ZNF567: variants seen among roughly 807,000 people sequenced by gnomAD.
The protein encoded by ZNF567 is zinc finger protein 567.
Under a neutral mutation model 53.9 loss-of-function variants are expected in ZNF567, and 36 were observed. The ratio of observed to expected loss-of-function variants is 0.67; its 90% CI spans 0.51 to 0.88. The LOEUF is 0.88. ZNF567 is among the 40% of genes least tolerant of loss of function. ZNF567 has a pLI of 0.00. For missense variants in ZNF567, 619 were observed against 764.7 expected (o/e 0.81, Z 2.25); for synonymous variants, 224 against 260.4 (o/e 0.86, Z 1.35).
In ZNF567 at chr19:36,719,305, A is replaced by G. The variant is rs780460311; in HGVS notation, c.581A>G (p.Asn194Ser). 1.2e-6 allele frequency: 2 copies of G among 1,613,888 alleles called. No homozygotes were observed. Among genetic ancestry groups the G allele is most frequent in the Admixed American group, 3.3e-5 (2 of 59,970 alleles). ...HNQSARAFSH[N>S]EVLMQYQKTE... ...CAAAGTGCCAGAGCTTTCAGTCATA[A>G]TGAAGTTCTTATGCAGTATCAGAAA... is the stretch of plus-strand genomic sequence containing the variant. Residue 194 changes from asparagine to serine, a missense_variant, in exon 6 of 6, where the codon AAT becomes AGT. Transcript: ENST00000682579.
downstream of ZNF567, among the ~76,000 whole-genome samples, chr19:36,724,273 T>C (rs1472413231): frequency 6.6e-6 from 1 of 151,902 alleles, no homozygotes; most frequent in Non-Finnish European, 1.5e-5. Context: ...CCCAAAGTGC[T>C]GGGATTACAG....
At chr19:36,679,289 C>A in the ZNF567 span, among the ~76,000 whole-genome samples, 7 of 151,926 alleles carry the variant, frequency 4.6e-5, no homozygotes, top group South Asian at 2.1e-4. Flanking sequence ...CCATCCCCCC[C>A]AAAAAAACCA....
chr19:36,682,613 ATTT>A (rs997139672), upstream of ZNF567, among the ~76,000 whole-genome samples: 1 of 130,712 alleles, frequency 7.7e-6, no homozygotes, highest in Non-Finnish European at 1.6e-5. Flanking sequence ...TATTATTATT[ATTT>A]TTTTTTTTTG....
intron 3 of ZNF567, among the ~76,000 whole-genome samples, chr19:36,708,201 T>C (rs1244388938): frequency 6.6e-6 from 1 of 152,254 alleles, no homozygotes; most frequent in African/African-American, 2.4e-5. Context: ...ATCTTGTTTG[T>C]TAAATCCATC....
intron 4 of ZNF567, 78 bp from the exon 5 acceptor site, chr19:36,712,703 A>T (rs564196016): frequency 1.4e-6 from 2 of 1,432,422 alleles, no homozygotes; most frequent in Non-Finnish European, 2.0e-6. Flanking sequence ...CTTAATTTGC[A>T]GTACTGAACA....
chr19:36,719,793 A>G lies in ZNF567; in HGVS notation c.1069A>G (p.Arg357Gly), dbSNP rs756379282. 6.2e-7 allele frequency: 1 copy of G among 1,614,200 alleles called. No homozygotes were observed. The highest frequency in any genetic ancestry group is 8.5e-7 in the Non-Finnish European group (1 of 1,180,030). Residue 357 changes from arginine to glycine, a missense_variant, in exon 6 of 6, where the codon AGA (arginine) becomes GGA (glycine). Arg to Gly is a moderately radical substitution (Grantham distance 125). Transcript: ENST00000682579. The stretch of plus-strand genomic sequence containing the variant: ...GAAGTCACACCTCATTCGTCATCAG[A>G]GAACTCACACGGGAGAGAAACCATA... ...RLKSHLIRHQ[R>G]THTGEKPYEC...
chr19:36,697,964 T>G (rs2038974895), intron 3 of ZNF567, among the ~76,000 whole-genome samples: 1 of 150,948 alleles, frequency 6.6e-6, no homozygotes, highest in South Asian at 2.1e-4. Context: ...AGGGTACATG[T>G]GCACAATGTG....
chr19:36,711,628 T>C (rs1402232231), intron 3 of ZNF567: 1 of 152,258 alleles, frequency 6.6e-6, no homozygotes, highest in Non-Finnish European at 1.5e-5. Context: ...AATCTCACCA[T>C]GCACATACAA....
At chr19:36,686,477 C>A (rs1360656324), upstream of ZNF567, 2 of 151,980 alleles carry the variant, frequency 1.3e-5, no homozygotes, top group Admixed American at 6.6e-5. Flanking sequence ...TCTTAGTATT[C>A]AAGGGAAAGG....
At chr19:36,674,460 C>G in the ZNF567 span, among the ~76,000 whole-genome samples, 3 of 152,292 alleles carry the variant, frequency 2.0e-5, no homozygotes, top group Middle Eastern at 3.4e-3. Context: ...GTATGCCTTA[C>G]AGATTAGAGT....
intron 1 of ZNF567, among the ~76,000 whole-genome samples, 169 bp from the exon 2 acceptor site, chr19:36,689,228 T>C (rs1332466531): frequency 6.8e-6 from 1 of 147,274 alleles, no homozygotes; most frequent in Non-Finnish European, 1.5e-5. Flanking sequence ...TCAAAATTCC[T>C]ATTTGAGAGT....
chr19:36,717,661 T>C (rs1368001941), intron 5 of ZNF567, among the ~76,000 whole-genome samples: 1 of 152,252 alleles, frequency 6.6e-6, no homozygotes, highest in Non-Finnish European at 1.5e-5. Flanking sequence ...TTTTTGAGCA[T>C]AGCTTTAACA....
At position 36,719,448 on chromosome 19, in the gene ZNF567, A is replaced by G. The variant is rs755505608; in HGVS notation, c.724A>G (p.Lys242Glu). 1.9e-6 allele frequency: 3 copies of G among 1,610,526 alleles called. No individual in the cohort carries two copies. The highest frequency in any genetic ancestry group is 2.5e-6 in the Non-Finnish European group (3 of 1,179,164). Residue 242 changes from lysine to glutamate, a missense_variant, in exon 6 of 6, where the codon AAA (lysine) becomes GAA (glutamate). Lys to Glu is a moderately conservative substitution (Grantham distance 56). Coordinates refer to ENST00000682579, the MANE Select transcript of ZNF567 (RefSeq NM_001322917.1). Reference sequence around the variant, plus strand: ...AGGAGAAAACCCATCTGTATATAATAAAAAAAGAAGAGCAACCAATATTGA... The same window carrying G: ...AGGAGAAAACCCATCTGTATATAATGAAAAAAGAAGAGCAACCAATATTGA... ...YKGENPSVYN[K>E]KRRATNIEKK...
At chr19:36,690,963 T>C (rs2038574973) in intron 2 of ZNF567, among the ~76,000 whole-genome samples, 1 of 152,192 alleles carries the variant, frequency 6.6e-6, no homozygotes, top group Non-Finnish European at 1.5e-5. Flanking sequence ...TGAGGGTCAT[T>C]GGATCTACAT....
At chr19:36,707,407 TTTTC>T (rs1274176065) in intron 3 of ZNF567, among the ~76,000 whole-genome samples, 79 of 152,332 alleles carry the variant, frequency 5.2e-4, no homozygotes, top group African/African-American at 1.9e-3. Context: ...TTCACTGATC[TTTTC>T]TTTCTTCAAT....
At chr19:36,722,595 C>T (rs1165779257), downstream of ZNF567, among the ~76,000 whole-genome samples, 3 of 152,186 alleles carry the variant, frequency 2.0e-5, no homozygotes, top group Non-Finnish European at 2.9e-5. Context: ...CCACCGTGCC[C>T]AGCCTGAAAA....
the ZNF567 span, among the ~76,000 whole-genome samples, chr19:36,680,472 G>A: frequency 6.6e-6 from 1 of 152,120 alleles, no homozygotes; most frequent in Non-Finnish European, 1.5e-5. Context: ...GGGTCACAAG[G>A]GAAATGTGTA....
At chr19:36,699,347 A>G (rs1281261172) in intron 3 of ZNF567, among the ~76,000 whole-genome samples, 5 of 152,172 alleles carry the variant, frequency 3.3e-5, no homozygotes, top group African/African-American at 1.2e-4. Context: ...GTTTGAAGTC[A>G]GGTAGCGTGA....
chr19:36,716,312 T>C (rs931687937), intron 5 of ZNF567, among the ~76,000 whole-genome samples: 1 of 152,200 alleles, frequency 6.6e-6, no homozygotes, highest in Non-Finnish European at 1.5e-5. Flanking sequence ...GTTCTCCCTT[T>C]ATACTATATC....
Sources: allele counts gnomAD v4.1 joint callset (sites outside exome capture counted in the v4.1 genomes callset), GRCh38; gene constraint gnomAD v4.1.1; transcripts MANE v1.5; gene names NCBI Gene and HGNC (gene_info 2026-07-23, HGNC 2026-07-21).